Variants in KLHL32 observed in about 807,000 individuals in gnomAD.
KLHL32 encodes kelch like family member 32, also known as kelch-like protein 32.
In KLHL32, 35 loss-of-function variants were observed where a neutral mutation model predicts 64.8. The observed-to-expected ratio is 0.54, with a 90% CI of 0.41 to 0.72. KLHL32 has a LOEUF of 0.72. KLHL32 is among the 30% of genes least tolerant of loss of function. The probability of loss-of-function intolerance (pLI) is 0.00; values close to 1 mark genes in which losing one functional copy is unlikely to be tolerated. For synonymous variants in KLHL32, 259 were observed against 281.0 expected, an observed-to-expected ratio of 0.92 and a Z score of 0.78; for missense variants, 589 against 768.5, an observed-to-expected ratio of 0.77 and a Z score of 2.76.
intron 4 of KLHL32, among the ~76,000 whole-genome samples, chr6:97,044,311 A>C (rs1785588561): frequency 6.6e-6 from 1 of 152,064 alleles, no homozygotes; most frequent in Non-Finnish European, 1.5e-5. Flanking sequence ...TAATATTTGC[A>C]TATGTTGAAT....
At chr6:97,097,774 G>T (rs753347269) in intron 6 of KLHL32, among the ~76,000 whole-genome samples, 3 of 152,038 alleles carry the variant, frequency 2.0e-5, no homozygotes, top group Non-Finnish European at 2.9e-5. Context: ...TTTCCATTCC[G>T]ATTGTGCAGT....
intron 6 of KLHL32, among the ~76,000 whole-genome samples, chr6:97,110,379 G>T (rs539232697): frequency 6.6e-6 from 1 of 152,278 alleles, no homozygotes; most frequent in East Asian, 1.9e-4. Context: ...CTCATTAAGA[G>T]ATGCAATTCA....
chr6:97,076,416 C>CT (rs2128169105), intron 5 of KLHL32, among the ~76,000 whole-genome samples: 1 of 152,288 alleles, frequency 6.6e-6, no homozygotes, highest in Non-Finnish European at 1.5e-5. Context: ...TTTGAGAATC[C>CT]TTATCACAGA....
chr6:97,045,134 A>G (rs1209236916), intron 4 of KLHL32, among the ~76,000 whole-genome samples: 1 of 152,212 alleles, frequency 6.6e-6, no homozygotes, highest in East Asian at 1.9e-4. Flanking sequence ...AATAGTAAGT[A>G]TAAAGGAAAT....
At chr6:96,903,748 T>G in the KLHL32 span, among the ~76,000 whole-genome samples, 30 of 152,366 alleles carry the variant, frequency 2.0e-4, no homozygotes, top group African/African-American at 7.0e-4. Flanking sequence ...AATATAGATT[T>G]GGTTAAATTC....
intron 3 of KLHL32, among the ~76,000 whole-genome samples, chr6:97,029,430 G>T (rs1178448326): frequency 6.6e-6 from 1 of 152,140 alleles, no homozygotes; most frequent in East Asian, 1.9e-4. Context: ...AGGGAAAATT[G>T]GTATTTTACA....
intron 4 of KLHL32, among the ~76,000 whole-genome samples, chr6:97,057,360 T>A (rs1490290537): frequency 7.8e-6 from 1 of 127,548 alleles, no homozygotes; most frequent in Admixed American, 8.6e-5. Context: ...ATTTTTGTAT[T>A]TTTAGTAGAG....
At chr6:97,056,695 T>C (rs1205742786) in intron 4 of KLHL32, among the ~76,000 whole-genome samples, 1 of 152,134 alleles carries the variant, frequency 6.6e-6, no homozygotes. Context: ...TCAGCAAACT[T>C]TTTTTGTGAG....
intron 3 of KLHL32, among the ~76,000 whole-genome samples, chr6:97,038,935 C>T (rs1784690534): frequency 6.6e-6 from 1 of 151,208 alleles, no homozygotes; most frequent in Non-Finnish European, 1.5e-5. Context: ...ACTAAAAATA[C>T]AAAAATTAGC....
intron 3 of KLHL32, among the ~76,000 whole-genome samples, chr6:97,019,261 C>T (rs568081850): frequency 3.3e-5 from 5 of 152,220 alleles, no homozygotes; most frequent in East Asian, 1.9e-4. Flanking sequence ...TTGCAATTTG[C>T]GTTCCTTGGG....
chr6:97,014,971 T>C (rs1409914289), intron 3 of KLHL32, among the ~76,000 whole-genome samples: 1 of 152,146 alleles, frequency 6.6e-6, no homozygotes. Context: ...ATGGCGGTGG[T>C]TTCCCCCATG....
intron 4 of KLHL32, among the ~76,000 whole-genome samples, chr6:97,049,450 C>T (rs1037217510): frequency 6.6e-6 from 1 of 152,216 alleles, no homozygotes; most frequent in Admixed American, 6.5e-5. Context: ...TGGGAGATTG[C>T]ATCATGCCAC....
At chr6:97,092,873 A>G (rs1342199839) in intron 6 of KLHL32, among the ~76,000 whole-genome samples, 1 of 152,122 alleles carries the variant, frequency 6.6e-6, no homozygotes, top group African/African-American at 2.4e-5. Context: ...GTTGCTGAGT[A>G]GCTGTGAGGG....
chr6:97,092,184 T>C (rs1480896936), intron 6 of KLHL32, among the ~76,000 whole-genome samples: 6 of 152,016 alleles, frequency 3.9e-5, no homozygotes. Flanking sequence ...AGAGACAGGG[T>C]TTCACCACGT....
intron 3 of KLHL32, among the ~76,000 whole-genome samples, chr6:97,028,159 TG>T (rs2128111379): frequency 6.6e-6 from 1 of 152,132 alleles, no homozygotes; most frequent in East Asian, 1.9e-4. Context: ...GTGGTTCACC[TG>T]GGGCTTTCGT....
chr6:97,029,956 T>C (rs538350846), intron 3 of KLHL32, among the ~76,000 whole-genome samples: 1 of 152,368 alleles, frequency 6.6e-6, no homozygotes, highest in Admixed American at 6.5e-5. Flanking sequence ...ATGGATCTAC[T>C]GTAATCATTG....
chr6:96,984,032 C>T (rs1268416786), intron 3 of KLHL32, among the ~76,000 whole-genome samples: 1 of 152,110 alleles, frequency 6.6e-6, no homozygotes, highest in African/African-American at 2.4e-5. Context: ...TATAAATTTC[C>T]CTCTACACAC....
At chr6:96,983,153 A>G (rs148211817) in intron 3 of KLHL32, among the ~76,000 whole-genome samples, 1 of 152,222 alleles carries the variant, frequency 6.6e-6, no homozygotes, top group African/African-American at 2.4e-5. Context: ...GGTTTTTGTC[A>G]TTGGTTCTGT....
intron 6 of KLHL32, among the ~76,000 whole-genome samples, chr6:97,100,281 T>C (rs1040013370): frequency 2.6e-5 from 4 of 152,316 alleles, no homozygotes; most frequent in Admixed American, 6.5e-5. Context: ...GTGCAAAATA[T>C]GCTTTTTCAA....
Sources: allele counts gnomAD v4.1 joint callset (sites outside exome capture counted in the v4.1 genomes callset), GRCh38; gene constraint gnomAD v4.1.1; transcripts MANE v1.5; gene names NCBI Gene and HGNC (gene_info 2026-07-23, HGNC 2026-07-21).